Variants in CCDC91 observed in about 807,000 individuals in gnomAD.
CCDC91 encodes the protein coiled-coil domain-containing protein 91.
Under a neutral mutation model 63.2 loss-of-function variants are expected in CCDC91, and 48 were observed. The ratio of observed to expected loss-of-function variants is 0.76; its 90% CI spans 0.60 to 0.97. The LOEUF is 0.97. CCDC91 is among the 50% of genes least tolerant of loss of function. CCDC91 has a pLI of 0.00. For missense variants in CCDC91, 500 were observed against 494.6 expected, an observed-to-expected ratio of 1.01 and a Z score of -0.10; for synonymous variants, 167 against 165.8, an observed-to-expected ratio of 1.01 and a Z score of -0.06.
chr12:28,402,520 A>ATTTTTTTTTTTTTTTT (rs57398967), intron 8 of CCDC91, among the ~76,000 whole-genome samples: 2 of 51,926 alleles, frequency 3.9e-5, no homozygotes, highest in African/African-American at 7.9e-5. Context: ...AGTTCCAGGA[A>ATTTTTTTTTTTTTTTT]TTTTTTTTTT....
At chr12:28,520,140 C>G (rs746933133) in intron 12 of CCDC91, among the ~76,000 whole-genome samples, 1 of 152,114 alleles carries the variant, frequency 6.6e-6, no homozygotes, top group Non-Finnish European at 1.5e-5. Flanking sequence ...CTTGAGGAAT[C>G]GCCACACTGA....
intron 3 of CCDC91, among the ~76,000 whole-genome samples, chr12:28,298,247 A>G (rs1949671831): frequency 1.3e-5 from 2 of 151,726 alleles, no homozygotes; most frequent in African/African-American, 4.8e-5. Context: ...GTGCCTATGA[A>G]TTGTAAGCAC....
chr12:28,327,345 A>G (rs1237169762), intron 6 of CCDC91, among the ~76,000 whole-genome samples: 1 of 152,120 alleles, frequency 6.6e-6, no homozygotes, highest in Non-Finnish European at 1.5e-5. Flanking sequence ...GGGGCTATGC[A>G]TGTTCAACAT....
chr12:28,331,805 A>T (rs1035357098), intron 6 of CCDC91, among the ~76,000 whole-genome samples: 4 of 152,146 alleles, frequency 2.6e-5, no homozygotes, highest in African/African-American at 9.7e-5. Context: ...ACAGATTCTT[A>T]CCAGCTGAGC....
At chr12:28,406,987 C>T (rs1423075203) in intron 8 of CCDC91, among the ~76,000 whole-genome samples, 2 of 152,086 alleles carry the variant, frequency 1.3e-5, no homozygotes, top group Non-Finnish European at 2.9e-5. Context: ...GTCATTGAAT[C>T]ATGGAGGCAG....
chr12:28,508,642 A>G (rs192118752), intron 12 of CCDC91, among the ~76,000 whole-genome samples: 2 of 151,984 alleles, frequency 1.3e-5, no homozygotes, highest in African/African-American at 4.8e-5. Flanking sequence ...TGGAGCCTGA[A>G]GTGACCAGGT....
chr12:28,222,959 C>T (rs1041681514), intron 1 of CCDC91, among the ~76,000 whole-genome samples: 1 of 152,134 alleles, frequency 6.6e-6, no homozygotes, highest in African/African-American at 2.4e-5. Flanking sequence ...CTTTTGTGAA[C>T]TCATCTATTT....
At position 28,216,605 on chromosome 12, in the gene CCDC91, G is replaced by T. The variant is rs756129337; in HGVS notation, c.-15+25964G>T. Among the ~76,000 whole-genome samples the T allele has an allele frequency of 1.7e-4, 26 of 152,090 alleles. No homozygotes were observed. In the South Asian group the frequency reaches 2.5e-3, roughly 15 times the overall value. On this transcript the variant is annotated intron_variant, in intron 1 of 12. Transcript: ENST00000536442. ...TGTAGAGAAGTTGGGGTGTGTGTTT[G>T]TGAGTGTGTATAAACTGTAGCATTC...
chr12:28,246,384 T>C (rs1592095460), intron 1 of CCDC91, among the ~76,000 whole-genome samples: 2 of 152,304 alleles, frequency 1.3e-5, no homozygotes. Context: ...CACTTTTCTC[T>C]ATTATTTGTT....
chr12:28,207,514 G>A (rs1942941227), intron 1 of CCDC91, among the ~76,000 whole-genome samples: 3 of 152,110 alleles, frequency 2.0e-5, no homozygotes, highest in Admixed American at 6.6e-5. Flanking sequence ...CAATAATTTC[G>A]TGTTATAAGA....
At chr12:28,273,108 T>C (rs979532020) in intron 3 of CCDC91, among the ~76,000 whole-genome samples, 1 of 151,734 alleles carries the variant, frequency 6.6e-6, no homozygotes, top group Non-Finnish European at 1.5e-5. Flanking sequence ...CTTGTCCTTC[T>C]GATAGTTTGC....
chr12:28,335,741 A>G (rs1268776219), intron 6 of CCDC91, among the ~76,000 whole-genome samples: 1 of 152,034 alleles, frequency 6.6e-6, no homozygotes, highest in Non-Finnish European at 1.5e-5. Context: ...TTATTTAAAT[A>G]CTTCAACCAT....
At chr12:28,492,979 A>G (rs73087913) in intron 12 of CCDC91, among the ~76,000 whole-genome samples, 3,157 of 151,748 alleles carry the variant, frequency 0.021, 58 homozygotes, top group African/African-American at 0.044. Context: ...TCAAAACTAA[A>G]TAAATACCTA....
At chr12:28,219,511 A>T (rs1943791421) in intron 1 of CCDC91, among the ~76,000 whole-genome samples, 1 of 133,028 alleles carries the variant, frequency 7.5e-6, no homozygotes, top group African/African-American at 3.0e-5. Flanking sequence ...TCACTCTTTC[A>T]CCCAGGCTGG....
chr12:28,298,125 TTG>T (rs1363954035), intron 3 of CCDC91, among the ~76,000 whole-genome samples: 1 of 151,756 alleles, frequency 6.6e-6, no homozygotes, highest in Non-Finnish European at 1.5e-5. Context: ...TGCTATTCAT[TTG>T]TTTTCTCATT....
At chr12:28,501,099 T>G (rs1477468433) in intron 12 of CCDC91, among the ~76,000 whole-genome samples, 1 of 151,832 alleles carries the variant, frequency 6.6e-6, no homozygotes, top group African/African-American at 2.4e-5. Context: ...AATTGTTTTA[T>G]ACAAATGGTG....
At chr12:28,415,664 TTGTGTGTGTGTG>T (rs61077919) in intron 8 of CCDC91, among the ~76,000 whole-genome samples, 5 of 148,404 alleles carry the variant, frequency 3.4e-5, no homozygotes, top group African/African-American at 1.2e-4. Context: ...AGATATATAT[TTGTGTGTGTGTG>T]TGTGTGTGTG....
intron 8 of CCDC91, among the ~76,000 whole-genome samples, chr12:28,424,505 AAATGATACCTC>A (rs1948196530): frequency 6.6e-6 from 1 of 152,180 alleles, no homozygotes; most frequent in Admixed American, 6.6e-5. Context: ...CTCTTTGAAT[AAATGATACCTC>A]ATTTCTAATT....
intron 6 of CCDC91, among the ~76,000 whole-genome samples, chr12:28,352,994 C>T (rs1314161581): frequency 1.3e-5 from 2 of 152,218 alleles, no homozygotes; most frequent in East Asian, 3.8e-4. Flanking sequence ...GTTTTGTCTG[C>T]ATTGCAGATC....
Sources: allele counts gnomAD v4.1 joint callset (sites outside exome capture counted in the v4.1 genomes callset), GRCh38; gene constraint gnomAD v4.1.1; transcripts MANE v1.5; gene names NCBI Gene and HGNC (gene_info 2026-07-23, HGNC 2026-07-21).